PARD3B: variants seen among roughly 807,000 people sequenced by gnomAD.
PARD3B encodes partitioning defective 3 homolog B.
A neutral mutation model predicts 130.2 loss-of-function variants in PARD3B; 103 were observed. The ratio of observed to expected loss-of-function variants is 0.79; its 90% CI spans 0.67 to 0.93. PARD3B has a LOEUF of 0.93. PARD3B is among the 40% of genes least tolerant of loss of function. PARD3B has a pLI of 0.00. For synonymous variants in PARD3B, 583 were observed against 553.2 expected (o/e 1.05, Z -0.76); for missense variants, 1,609 against 1,499.2 (o/e 1.07, Z -1.21).
At chr2:205,163,124 G>A (rs770013056) in intron 11 of PARD3B, among the ~76,000 whole-genome samples, 10 of 152,154 alleles carry the variant, frequency 6.6e-5, no homozygotes, top group Non-Finnish European at 1.3e-4. Context: ...CATGAAGTCT[G>A]TTGTACCAGT....
chr2:205,520,857 G>C (rs2051015990), intron 21 of PARD3B, among the ~76,000 whole-genome samples: 1 of 151,874 alleles, frequency 6.6e-6, no homozygotes, highest in Admixed American at 6.6e-5. Flanking sequence ...TTCTAGAAAG[G>C]ATATTAAGTA....
chr2:205,440,686 T>A lies in PARD3B; in HGVS notation c.3044+14T>A, dbSNP rs2047685245. ...TCCAGCTGACAGGTAATAAACTTAG[T>A]GAAAGATAAATGTAGCTTTAATTCA... is the stretch of plus-strand genomic sequence containing the variant. On this transcript the variant is annotated intron_variant, in intron 20 of 22. Transcript: ENST00000406610. This position sits in a 1 kb window ranked among gnomAD's most constrained non-coding sequence, Gnocchi z 4.2. The A allele has an allele frequency of 1.3e-6, 2 of 1,598,946 alleles. No individual in the cohort carries two copies. The highest frequency in any genetic ancestry group is 1.7e-5 in the Admixed American group (1 of 59,802).
intron 18 of PARD3B, among the ~76,000 whole-genome samples, chr2:205,334,827 A>ACAAAG (rs2043252346): frequency 6.6e-6 from 1 of 152,232 alleles, no homozygotes; most frequent in Non-Finnish European, 1.5e-5. Flanking sequence ...AAAGTGAAGG[A>ACAAAG]CAAAGCATAA....
At chr2:205,101,966 A>C (rs1702815969) in intron 4 of PARD3B, among the ~76,000 whole-genome samples, 1 of 152,164 alleles carries the variant, frequency 6.6e-6, no homozygotes, top group Non-Finnish European at 1.5e-5. Flanking sequence ...CAAAACTCTG[A>C]ATATACTGAA....
chr2:204,871,464 T>A (rs536696639), intron 2 of PARD3B, among the ~76,000 whole-genome samples: 1 of 152,090 alleles, frequency 6.6e-6, no homozygotes, highest in Non-Finnish European at 1.5e-5. Context: ...CTTAGAACAA[T>A]GTATGAGACA....
chr2:204,580,793 A>G (rs560633938), intron 1 of PARD3B, among the ~76,000 whole-genome samples: 4 of 152,332 alleles, frequency 2.6e-5, no homozygotes, highest in South Asian at 2.1e-4. Flanking sequence ...GATCTTGTCA[A>G]TCTCTCTAAT....
At chr2:204,607,660 G>T (rs1234421936) in intron 1 of PARD3B, among the ~76,000 whole-genome samples, 1 of 152,120 alleles carries the variant, frequency 6.6e-6, no homozygotes, top group Non-Finnish European at 1.5e-5. Flanking sequence ...CAAAGGATTT[G>T]GGAATCAAGG....
chr2:205,325,264 T>C lies in PARD3B; in HGVS notation c.2630+23563T>C, dbSNP rs1302649107. 6.6e-6 allele frequency among the ~76,000 whole-genome samples: 1 copy of C among 152,216 alleles called. No homozygotes were observed. The highest frequency in any genetic ancestry group is 2.4e-5 in the African/African-American group (1 of 41,458). ...GGTGTTATACAATGTTCAACCTTTA[T>C]ACTTTTATGCTGCCATAGATAAGTA... On this transcript the variant is annotated intron_variant, in intron 18 of 22. Transcript: ENST00000406610. This position sits in a 1 kb window ranked among gnomAD's most constrained non-coding sequence, Gnocchi z 4.1.
chr2:205,073,372 A>C (rs960821506), intron 4 of PARD3B, among the ~76,000 whole-genome samples: 1 of 152,198 alleles, frequency 6.6e-6, no homozygotes, highest in Non-Finnish European at 1.5e-5. Context: ...TTTTGAAAAG[A>C]TGTCGAAAAA....
At chr2:205,267,931 G>A (rs957836689) in intron 16 of PARD3B, among the ~76,000 whole-genome samples, 1 of 152,112 alleles carries the variant, frequency 6.6e-6, no homozygotes, top group Non-Finnish European at 1.5e-5. Context: ...TAAACCAGAG[G>A]AAGGATGTTT....
intron 18 of PARD3B, among the ~76,000 whole-genome samples, chr2:205,347,177 T>C (rs1013812965): frequency 6.6e-6 from 1 of 152,216 alleles, no homozygotes; most frequent in Non-Finnish European, 1.5e-5. Flanking sequence ...TTTATAATGA[T>C]ACTGTTTTAT....
At position 204,799,354 on chromosome 2, in the gene PARD3B, G is replaced by A. The variant is rs965464363; in HGVS notation, c.222+113072G>A. Reference sequence around the variant, plus strand: ...CTTGAATGCCAGCACAGCTGCAGTAGAATAGAGCACCAGGTAGATTCCTAA... The same window carrying A: ...CTTGAATGCCAGCACAGCTGCAGTAAAATAGAGCACCAGGTAGATTCCTAA... On this transcript the variant is annotated intron_variant, in intron 2 of 22. Coordinates refer to ENST00000406610, the MANE Select transcript of PARD3B (RefSeq NM_001302769.2). This position sits in a 1 kb window ranked among gnomAD's most constrained non-coding sequence, Gnocchi z 4.1. Among the ~76,000 whole-genome samples, 16 of 152,326 alleles carry A rather than the reference G, an allele frequency of 1.1e-4. No homozygotes were observed. The highest frequency in any genetic ancestry group is 7.8e-4 in the Admixed American group (12 of 15,302).
At chr2:205,604,841 C>A (rs1466323629) in intron 22 of PARD3B, among the ~76,000 whole-genome samples, 1 of 152,110 alleles carries the variant, frequency 6.6e-6, no homozygotes, top group Admixed American at 6.6e-5. Context: ...TTTCAGGTAC[C>A]CTAATTAGTC....
chr2:204,811,180 G>A (rs572986422), intron 2 of PARD3B, among the ~76,000 whole-genome samples: 3 of 151,910 alleles, frequency 2.0e-5, no homozygotes, highest in South Asian at 2.1e-4. Flanking sequence ...TCCTGATAGT[G>A]TTTATTTGTG....
At chr2:205,224,945 A>C (rs1042190235) in intron 15 of PARD3B, among the ~76,000 whole-genome samples, 1 of 151,984 alleles carries the variant, frequency 6.6e-6, no homozygotes, top group African/African-American at 2.4e-5. Flanking sequence ...TTATACTTTA[A>C]GTTCTAGGGT....
At chr2:205,289,366 A>G (rs1043553437) in intron 16 of PARD3B, among the ~76,000 whole-genome samples, 5 of 152,210 alleles carry the variant, frequency 3.3e-5, no homozygotes, top group African/African-American at 9.6e-5. Flanking sequence ...TCACCAAAAA[A>G]AAAATATGAT....
chr2:205,094,389 A>G (rs988349724), intron 4 of PARD3B, among the ~76,000 whole-genome samples: 1 of 152,194 alleles, frequency 6.6e-6, no homozygotes, highest in Admixed American at 6.6e-5. Context: ...GCAATAAAAA[A>G]GACCTTTTCA....
intron 1 of PARD3B, among the ~76,000 whole-genome samples, chr2:204,577,865 G>C (rs561206332): frequency 6.6e-6 from 1 of 152,272 alleles, no homozygotes; most frequent in South Asian, 2.1e-4. Flanking sequence ...ACTGTGCCCA[G>C]CCAGTTTTCT....
chr2:204,565,001 A>G (rs943971774), intron 1 of PARD3B, among the ~76,000 whole-genome samples: 3 of 152,236 alleles, frequency 2.0e-5, no homozygotes, highest in Admixed American at 2.0e-4. Context: ...CAATCAAGAT[A>G]TCGCCTAGGC....
Sources: gnomAD v4.1 joint callset for allele counts (sites outside exome capture counted in the v4.1 genomes callset) on GRCh38, gnomAD v4.1.1 for gene constraint, Gnocchi (gnomAD v3.1) non-coding constraint, MANE v1.5 for transcripts, NCBI Gene and HGNC (gene_info 2026-07-23, HGNC 2026-07-21) for gene names.